The following SOX5 variants were observed in gnomAD, a reference collection of about 807,000 sequenced individuals.
SOX5 encodes the protein transcription factor SOX-5.
In SOX5, 9 loss-of-function variants were observed where a neutral mutation model predicts 92.0. The observed-to-expected ratio is 0.10, with a 90% CI of 0.06 to 0.17. The LOEUF is 0.17. Among genes scored for constraint, SOX5 ranks in the 10% least tolerant of loss-of-function variants. SOX5 has a pLI of 1.00. For missense variants in SOX5, 642 were observed against 944.5 expected (o/e 0.68, Z 4.20); for synonymous variants, 344 against 336.3 (o/e 1.02, Z -0.25).
chr12:23,894,528 A>G (rs1424916908), intron 2 of SOX5, among the ~76,000 whole-genome samples: 1 of 152,128 alleles, frequency 6.6e-6, no homozygotes, highest in Non-Finnish European at 1.5e-5. Context: ...CGCCCGACCT[A>G]AAACATTATT....
At chr12:23,836,806 T>G (rs561132145) in intron 3 of SOX5, among the ~76,000 whole-genome samples, 25 of 151,990 alleles carry the variant, frequency 1.6e-4, no homozygotes, top group African/African-American at 6.0e-4. Context: ...ATGGCAAAAA[T>G]AGCTTGAGGG....
intron 10 of SOX5, among the ~76,000 whole-genome samples, chr12:23,565,850 C>T (rs1046415593): frequency 6.6e-6 from 1 of 152,162 alleles, no homozygotes; most frequent in Non-Finnish European, 1.5e-5. Context: ...TTTGCTGGTT[C>T]TTTACAGTTT....
chr12:24,434,984 C>T (rs1031147993), intron 1 of SOX5, among the ~76,000 whole-genome samples: 1 of 152,214 alleles, frequency 6.6e-6, no homozygotes, highest in Non-Finnish European at 1.5e-5. Flanking sequence ...CTCCCACTGT[C>T]TCACGTAAAA....
At chr12:23,553,192 C>T (rs1211072346) in intron 11 of SOX5, among the ~76,000 whole-genome samples, 1 of 151,856 alleles carries the variant, frequency 6.6e-6, no homozygotes, top group Non-Finnish European at 1.5e-5. Context: ...GAAGACATTT[C>T]AAATTATGAA....
intron 6 of SOX5, among the ~76,000 whole-genome samples, chr12:23,726,117 C>CTGAGAGAGAG (rs2093099835): frequency 9.5e-6 from 1 of 104,846 alleles, no homozygotes; most frequent in African/African-American, 3.4e-5. Flanking sequence ...ACATACATCC[C>CTGAGAGAGAG]CGAGAGAGAG....
At chr12:24,224,421 A>G (rs1796173573) in intron 3 of SOX5, among the ~76,000 whole-genome samples, 1 of 151,968 alleles carries the variant, frequency 6.6e-6, no homozygotes, top group South Asian at 2.1e-4. Flanking sequence ...AAAGCCAATC[A>G]CATTATTCCT....
chr12:23,585,418 C>A (rs963278842), intron 9 of SOX5, among the ~76,000 whole-genome samples: 1 of 152,272 alleles, frequency 6.6e-6, no homozygotes, highest in East Asian at 1.9e-4. Context: ...TAACTTGAGA[C>A]TTGACTAGGT....
chr12:23,562,192 T>C (rs1044944611), intron 11 of SOX5, among the ~76,000 whole-genome samples: 7 of 152,154 alleles, frequency 4.6e-5, no homozygotes, highest in African/African-American at 1.4e-4. Context: ...GGATGTATAC[T>C]GAGCTATCCT....
chr12:24,123,909 A>T (rs1948862728), intron 4 of SOX5, among the ~76,000 whole-genome samples: 1 of 152,034 alleles, frequency 6.6e-6, no homozygotes, highest in Non-Finnish European at 1.5e-5. Context: ...TCCCAATCTC[A>T]CTCACTCTCA....
intron 4 of SOX5, among the ~76,000 whole-genome samples, chr12:24,063,103 A>G (rs1940048779): frequency 6.6e-6 from 1 of 152,200 alleles, no homozygotes; most frequent in Non-Finnish European, 1.5e-5. Flanking sequence ...AGCTATAACA[A>G]ATTTCAGCCC....
At chr12:24,105,488 C>T (rs559900392) in intron 4 of SOX5, among the ~76,000 whole-genome samples, 1 of 152,188 alleles carries the variant, frequency 6.6e-6, no homozygotes, top group East Asian at 1.9e-4. Context: ...TTGCAGTGAG[C>T]CGAGATCATG....
intron 4 of SOX5, among the ~76,000 whole-genome samples, chr12:24,025,352 T>C (rs935636578): frequency 6.6e-6 from 1 of 152,066 alleles, no homozygotes; most frequent in Non-Finnish European, 1.5e-5. Flanking sequence ...TCTAAACTCA[T>C]GCAAAAGGTT....
chr12:24,512,132 G>A (rs1316217017), intron 1 of SOX5, among the ~76,000 whole-genome samples: 2 of 151,978 alleles, frequency 1.3e-5, no homozygotes, highest in Non-Finnish European at 2.9e-5. Flanking sequence ...AATTCTTAAA[G>A]CCTTTGCAAC....
chr12:24,223,239 C>T (rs1356687927), intron 3 of SOX5: 1 of 152,176 alleles, frequency 6.6e-6, no homozygotes, highest in African/African-American at 2.4e-5. Context: ...GAACATTTTC[C>T]AGCATTCTAT....
intron 4 of SOX5, among the ~76,000 whole-genome samples, chr12:24,092,984 G>A (rs1407715276): frequency 6.6e-6 from 1 of 152,002 alleles, no homozygotes; most frequent in Non-Finnish European, 1.5e-5. Flanking sequence ...CGGCCCCAAG[G>A]ATCCAAGCAG....
intron 2 of SOX5, among the ~76,000 whole-genome samples, chr12:24,345,157 T>G (rs535507669): frequency 3.3e-5 from 5 of 152,308 alleles, no homozygotes; most frequent in African/African-American, 1.2e-4. Flanking sequence ...GCCATAACTT[T>G]CTGGTATATT....
chr12:24,224,443 A>C (rs1961388223), intron 3 of SOX5, among the ~76,000 whole-genome samples: 1 of 151,766 alleles, frequency 6.6e-6, no homozygotes, highest in South Asian at 2.1e-4. Context: ...ATTTTTGCTT[A>C]ATATTGAAAT....
At position 24,135,341 on chromosome 12, in the gene SOX5, A is replaced by G. The variant is rs989584344; in HGVS notation, c.-2+78002T>C. 2.6e-5 allele frequency among the ~76,000 whole-genome samples: 4 copies of G among 152,074 alleles called. No homozygotes were observed. The South Asian group carries it at 6.2e-4, about 24-fold the overall frequency. The stretch of plus-strand genomic sequence containing the variant: ...CTTCAGTAAGAAGCCAACCTAACAC[A>G]AGTTGCTCTCTCCTAACTCTTGTCA... On this transcript the variant is annotated intron_variant, in intron 4 of 4. Coordinates refer to the SOX5 transcript ENST00000446891.
chr12:23,797,389 A>T (rs1371780715), intron 3 of SOX5, among the ~76,000 whole-genome samples: 3 of 152,018 alleles, frequency 2.0e-5, no homozygotes, highest in Non-Finnish European at 4.4e-5. Context: ...TCGGTTGAAC[A>T]ATTTCCTAAG....
Sources: gnomAD v4.1 joint callset for allele counts (sites outside exome capture counted in the v4.1 genomes callset) on GRCh38, gnomAD v4.1.1 for gene constraint, MANE v1.5 for transcripts, NCBI Gene and HGNC (gene_info 2026-07-23, HGNC 2026-07-21) for gene names.